USP8: variants seen among roughly 807,000 people sequenced by gnomAD.
USP8 encodes the protein ubiquitin specific peptidase 8.
USP8 carries 27 observed loss-of-function variants against 130.0 expected under a neutral mutation model. The ratio of observed to expected loss-of-function variants is 0.21; its 90% CI spans 0.15 to 0.29. USP8 has a LOEUF of 0.29. Ranked by LOEUF, USP8 falls within the 10% of genes least tolerant of loss-of-function variation. The pLI is 1.00. For missense variants in USP8, 1,029 were observed against 1,312.2 expected, an observed-to-expected ratio of 0.78 and a Z score of 3.33; for synonymous variants, 392 against 444.1, an observed-to-expected ratio of 0.88 and a Z score of 1.48.
At chr15:50,489,738 T>G (rs1049992705) in intron 12 of USP8, 63 bp from the exon 13 acceptor site, 97 of 1,180,636 alleles carry the variant, frequency 8.2e-5, no homozygotes, top group East Asian at 2.1e-4. Flanking sequence ...ATGACAAAAT[T>G]TAATTGAAAA....
At chr15:50,465,967 G>C (rs184242565) in intron 7 of USP8, among the ~76,000 whole-genome samples, 3 of 152,240 alleles carry the variant, frequency 2.0e-5, no homozygotes, top group Admixed American at 2.0e-4. Flanking sequence ...ACACACTTTA[G>C]CACAGGTCCT....
chr15:50,457,059 G>A (rs974445413), intron 4 of USP8, among the ~76,000 whole-genome samples: 1 of 152,158 alleles, frequency 6.6e-6, no homozygotes, highest in Non-Finnish European at 1.5e-5. Flanking sequence ...TGATCTTATT[G>A]ATAGATGGCA....
rs759699181 is a variant in USP8, at chr15:50,484,350, G to A, written c.1879G>A (p.Glu627Lys). 2.3e-5 allele frequency: 37 copies of A among 1,609,686 alleles called. No homozygotes were observed. Among genetic ancestry groups the A allele is most frequent in the Admixed American group, 1.2e-4 (7 of 59,072 alleles). ...GTFREDTDDT[E>K]RNKAQREPLT... The stretch of plus-strand genomic sequence containing the variant: ...TTTTAGAGAGGATACAGACGATACC[G>A]AAAGAAATAAAGTAAGTAGTTTATT... The change falls in exon 12 of 20, where the codon GAA (glutamate) becomes AAA (lysine). Residue 627 changes from glutamate (E) to lysine (K), a missense_variant. Around this residue, in one of 4 missense-constraint regions of USP8, gnomAD observed 486 missense variants for 522.0 expected, o/e 0.93. Coordinates refer to ENST00000307179, the MANE Select transcript of USP8 (RefSeq NM_005154.5).
In USP8 at chr15:50,511,507, G is replaced by C. The variant is rs909944599; in HGVS notation, c.*12419G>C. 2 of 152,190 alleles carry C rather than the reference G, an allele frequency of 1.3e-5. No individual in the cohort carries two copies. The highest frequency in any genetic ancestry group is 2.9e-5 in the Non-Finnish European group (2 of 68,044). The allele number at this position is 152,190 out of a possible 1,614,324, so 9.4% of individuals were successfully genotyped here. The stretch of plus-strand genomic sequence containing the variant: ...GCAGCATTACTGATGACAGCCAAAA[G>C]TGGAAACAAGCCAAATGTCCATCAC... On this transcript the variant is annotated 3_prime_UTR_variant, in exon 20 of 20. Transcript: ENST00000307179.
At chr15:50,438,341 T>C (rs1270400115) in intron 1 of USP8, among the ~76,000 whole-genome samples, 1 of 152,202 alleles carries the variant, frequency 6.6e-6, no homozygotes, top group Admixed American at 6.5e-5. Context: ...CCCAGCACTT[T>C]GGGAGGCCAA....
intron 7 of USP8, among the ~76,000 whole-genome samples, chr15:50,469,545 T>C (rs1308474693): frequency 6.6e-6 from 1 of 152,178 alleles, no homozygotes; most frequent in Non-Finnish European, 1.5e-5. Context: ...TCTGTGTACA[T>C]CAGGAGAGGA....
At chr15:50,453,928 T>C (rs906636560) in intron 4 of USP8, among the ~76,000 whole-genome samples, 1 of 145,052 alleles carries the variant, frequency 6.9e-6, no homozygotes, top group Admixed American at 7.1e-5. Context: ...AGTGGCATGA[T>C]CTTGGCTCAC....
chr15:50,466,818 C>A, intron 7 of USP8: 1 of 295,986 alleles, frequency 3.4e-6, no homozygotes, highest in Non-Finnish European at 6.6e-6. Flanking sequence ...CTCTATGAGC[C>A]ACAGCATAAA....
At chr15:50,448,495 T>C (rs533709356) in intron 3 of USP8, among the ~76,000 whole-genome samples, 14 of 152,160 alleles carry the variant, frequency 9.2e-5, no homozygotes, top group Non-Finnish European at 1.9e-4. Flanking sequence ...CCAAATCTTT[T>C]ACCTTTTGCA....
chr15:50,445,758 G>A (rs1448594507), intron 3 of USP8, among the ~76,000 whole-genome samples: 1 of 150,508 alleles, frequency 6.6e-6, no homozygotes, highest in South Asian at 2.1e-4. Context: ...TTGGAAGGCC[G>A]AGGCAGGCGA....
At position 50,495,834 on chromosome 15, in the gene USP8, C is replaced by A; in HGVS notation, c.2659-14C>A. 4.4e-6 allele frequency: 7 copies of A among 1,587,208 alleles called. No individual in the cohort carries two copies. Among genetic ancestry groups the A allele is most frequent in the South Asian group, 1.1e-5 (1 of 89,280 alleles). The stretch of plus-strand genomic sequence containing the variant: ...TGAGATATTAATATAGAGCTTAAAT[C>A]ATTTTATTTCCAGGCTGATAATCGG... On this transcript the variant is annotated splice_polypyrimidine_tract_variant and intron_variant, in intron 16 of 19. Coordinates refer to ENST00000307179, the MANE Select transcript of USP8 (RefSeq NM_005154.5).
At chr15:50,458,309 G>A (rs763096158) in intron 4 of USP8, among the ~76,000 whole-genome samples, 3 of 152,006 alleles carry the variant, frequency 2.0e-5, no homozygotes, top group South Asian at 2.1e-4. Context: ...GCACCACCAC[G>A]CCCAGCTAAT....
Position 50,480,429 on chromosome 15 carries a change from A to G in USP8, c.1219-1052A>G, listed in dbSNP as rs1364493339. Among the ~76,000 whole-genome samples the G allele has an allele frequency of 5.3e-5, 8 of 152,302 alleles. No homozygotes were observed. In the East Asian group the frequency reaches 1.5e-3, roughly 29 times the overall value. ...TTCTAGGAGGGAAGAAAAATTTTAAATAAGTAATTATAGTTATTTGATCAG... is the reference window on the plus strand; with the variant it reads ...TTCTAGGAGGGAAGAAAAATTTTAAGTAAGTAATTATAGTTATTTGATCAG... On this transcript the variant is annotated intron_variant, in intron 10 of 19. Transcript: ENST00000307179.
intron 7 of USP8, chr15:50,467,135 A>G: frequency 3.0e-6 from 1 of 328,874 alleles, no homozygotes. Flanking sequence ...CTGGTTGTTA[A>G]AAATATATAT....
chr15:50,451,780 C>G (rs2050635943), intron 4 of USP8, among the ~76,000 whole-genome samples: 1 of 152,190 alleles, frequency 6.6e-6, no homozygotes, highest in Non-Finnish European at 1.5e-5. Flanking sequence ...AGCTCTTTTC[C>G]TCCTTTAAGT....
intron 12 of USP8, 113 bp downstream of exon 12, chr15:50,484,474 G>A: frequency 1.2e-6 from 1 of 810,054 alleles, no homozygotes; most frequent in South Asian, 1.8e-5. Flanking sequence ...AGTGTAAGGG[G>A]ATCGTTGCCA....
intron 4 of USP8, among the ~76,000 whole-genome samples, chr15:50,455,674 G>T (rs1157884006): frequency 6.6e-6 from 1 of 152,072 alleles, no homozygotes; most frequent in Non-Finnish European, 1.5e-5. Context: ...TTTTGTTGTT[G>T]TTGTTGTTGT....
Position 50,455,412 on chromosome 15 carries a change from G to T in USP8, c.336-3588G>T, listed in dbSNP as rs560294545. Reference sequence around the variant, plus strand: ...AATTTCTGTGTGGTTCTTTTTTATAGCGTCTATTATTTTTTTACAGAGATT... The same window carrying T: ...AATTTCTGTGTGGTTCTTTTTTATATCGTCTATTATTTTTTTACAGAGATT... On this transcript the variant is annotated intron_variant, in intron 4 of 19. Transcript: ENST00000307179. Among the ~76,000 whole-genome samples the T allele has an allele frequency of 5.4e-4, 78 of 143,412 alleles. 1 individual carries two copies. Among genetic ancestry groups the T allele is most frequent in the African/African-American group, 1.4e-3 (58 of 40,014 alleles). 94.1% of individuals were successfully genotyped at this position (143,412 alleles called of 152,430 possible).
At chr15:50,428,615 TAGA>T (rs2049823847) in intron 1 of USP8, among the ~76,000 whole-genome samples, 2 of 152,134 alleles carry the variant, frequency 1.3e-5, no homozygotes. Flanking sequence ...AATAATAAAA[TAGA>T]ATAATTACAA....
Sources: allele counts gnomAD v4.1 joint callset (sites outside exome capture counted in the v4.1 genomes callset), GRCh38; gene constraint gnomAD v4.1.1; regional missense constraint gnomAD v4.1.1; transcripts MANE v1.5; gene names NCBI Gene and HGNC (gene_info 2026-07-23, HGNC 2026-07-21).